PPP3CA: variants seen among roughly 807,000 people sequenced by gnomAD.
The protein encoded by PPP3CA is protein phosphatase 3 catalytic subunit alpha, also known as CAM-PRP catalytic subunit.
PPP3CA carries 14 observed loss-of-function variants against 66.5 expected under a neutral mutation model. The observed-to-expected ratio is 0.21, with a 90% CI of 0.14 to 0.33. The LOEUF (loss-of-function observed/expected upper bound fraction) is 0.33. Ranked by LOEUF, PPP3CA falls within the 10% of genes least tolerant of loss-of-function variation. PPP3CA has a pLI of 1.00. For synonymous variants in PPP3CA, 232 were observed against 226.2 expected (o/e 1.03, Z -0.23); for missense variants, 317 against 639.5 (o/e 0.50, Z 5.44).
chr4:101,173,244 C>T (rs1723941787), intron 2 of PPP3CA, among the ~76,000 whole-genome samples: 1 of 151,970 alleles, frequency 6.6e-6, no homozygotes, highest in African/African-American at 2.4e-5. Context: ...CCTATAAGCT[C>T]AGGTACATTT....
intron 2 of PPP3CA, among the ~76,000 whole-genome samples, chr4:101,116,490 A>T (rs546989415): frequency 6.6e-5 from 10 of 151,868 alleles, no homozygotes; most frequent in Non-Finnish European, 8.8e-5. Flanking sequence ...AGGTTTTGTT[A>T]GAGGTTAACC....
chr4:101,284,464 G>A (rs1416573964), intron 1 of PPP3CA, among the ~76,000 whole-genome samples: 7 of 152,032 alleles, frequency 4.6e-5, no homozygotes, highest in African/African-American at 1.7e-4. Flanking sequence ...ACTTGCTTTT[G>A]TTTCTGAACA....
intron 2 of PPP3CA, among the ~76,000 whole-genome samples, chr4:101,113,121 G>A (rs1721727672): frequency 1.3e-5 from 2 of 152,108 alleles, no homozygotes; most frequent in African/African-American, 4.8e-5. Context: ...TTAAGTCACA[G>A]GTTTCAATAC....
At chr4:101,310,093 T>C (rs1456204837) in intron 1 of PPP3CA, among the ~76,000 whole-genome samples, 4 of 152,242 alleles carry the variant, frequency 2.6e-5, no homozygotes, top group Admixed American at 6.5e-5. Flanking sequence ...GCTGTAGTAC[T>C]ACTGATTGTT....
intron 7 of PPP3CA, among the ~76,000 whole-genome samples, chr4:101,081,466 T>A (rs1228264725): frequency 6.6e-6 from 1 of 152,188 alleles, no homozygotes; most frequent in African/African-American, 2.4e-5. Context: ...TGTAACACTT[T>A]AGTTCTCAAT....
intron 2 of PPP3CA, among the ~76,000 whole-genome samples, chr4:101,114,540 C>T (rs908918408): frequency 6.6e-5 from 10 of 152,000 alleles, no homozygotes; most frequent in Non-Finnish European, 1.2e-4. Flanking sequence ...TTCTGAATAT[C>T]GCTAATCTAA....
At chr4:101,057,705 T>A (rs1728286853) in intron 10 of PPP3CA, among the ~76,000 whole-genome samples, 1 of 152,210 alleles carries the variant, frequency 6.6e-6, no homozygotes, top group Non-Finnish European at 1.5e-5. Context: ...TAGAACCTAA[T>A]ATGTTTTTCC....
chr4:101,217,718 T>C (rs1321121162), intron 1 of PPP3CA, among the ~76,000 whole-genome samples: 1 of 152,118 alleles, frequency 6.6e-6, no homozygotes, highest in Non-Finnish European at 1.5e-5. Context: ...ATTTCTTCTG[T>C]TGCACAAATC....
intron 10 of PPP3CA, among the ~76,000 whole-genome samples, chr4:101,059,161 AG>A (rs1209821836): frequency 2.0e-5 from 3 of 152,164 alleles, no homozygotes; most frequent in Non-Finnish European, 4.4e-5. Context: ...TTCTGAAAAC[AG>A]TGCTATCATT....
At chr4:101,203,246 C>T (rs531913488) in intron 1 of PPP3CA, among the ~76,000 whole-genome samples, 7 of 152,212 alleles carry the variant, frequency 4.6e-5, no homozygotes, top group Admixed American at 1.3e-4. Context: ...CTGGTAATCC[C>T]AACACTTTGC....
intron 1 of PPP3CA, among the ~76,000 whole-genome samples, chr4:101,243,588 T>A (rs1726381685): frequency 6.6e-6 from 1 of 152,202 alleles, no homozygotes; most frequent in Non-Finnish European, 1.5e-5. Flanking sequence ...TTAAGGATTA[T>A]AAGTAATCTA....
intron 2 of PPP3CA, among the ~76,000 whole-genome samples, chr4:101,125,667 C>T (rs908193202): frequency 6.6e-6 from 1 of 152,148 alleles, no homozygotes; most frequent in East Asian, 1.9e-4. Flanking sequence ...TTATATATTT[C>T]TCTTTATCAT....
intron 8 of PPP3CA, among the ~76,000 whole-genome samples, chr4:101,065,683 C>T (rs563112881): frequency 7.9e-5 from 12 of 152,094 alleles, no homozygotes; most frequent in African/African-American, 2.9e-4. Context: ...TCCCTGCTGT[C>T]TCTCATAAAT....
intron 1 of PPP3CA, among the ~76,000 whole-genome samples, chr4:101,295,486 T>C (rs1728175790): frequency 6.6e-6 from 1 of 152,186 alleles, no homozygotes; most frequent in African/African-American, 2.4e-5. Flanking sequence ...GTTCTAAGAC[T>C]ATGAAGAAAT....
intron 1 of PPP3CA, among the ~76,000 whole-genome samples, chr4:101,325,184 T>A (rs929302634): frequency 4.6e-5 from 7 of 152,206 alleles, no homozygotes; most frequent in Non-Finnish European, 7.3e-5. Flanking sequence ...GATTGTAATG[T>A]GTGACCATGC....
chr4:101,137,793 T>C (rs1386826273), intron 2 of PPP3CA, among the ~76,000 whole-genome samples: 1 of 147,760 alleles, frequency 6.8e-6, no homozygotes, highest in Non-Finnish European at 1.5e-5. Context: ...AAATGTGTCA[T>C]AAGAAAGAGA....
chr4:101,247,555 A>G (rs1307450718), intron 1 of PPP3CA, among the ~76,000 whole-genome samples: 1 of 152,160 alleles, frequency 6.6e-6, no homozygotes, highest in African/African-American at 2.4e-5. Flanking sequence ...ACACAGTATG[A>G]GCATCATTTC....
chr4:101,171,350 C>A (rs200726508), intron 2 of PPP3CA: 2,856 of 191,148 alleles, frequency 0.015, 6 homozygotes, highest in South Asian at 0.036. Context: ...ACAATTCTTT[C>A]AAAAAAAAAA....
chr4:101,085,815 G>C (rs1008215866), intron 6 of PPP3CA, among the ~76,000 whole-genome samples: 1 of 150,736 alleles, frequency 6.6e-6, no homozygotes. Flanking sequence ...AAATGTTCAA[G>C]CTGAAAAGCA....
Sources: gnomAD v4.1 joint callset for allele counts (sites outside exome capture counted in the v4.1 genomes callset) on GRCh38, gnomAD v4.1.1 for gene constraint, MANE v1.5 for transcripts, NCBI Gene and HGNC (gene_info 2026-07-23, HGNC 2026-07-21) for gene names.